The following IGSF5 variants were observed in gnomAD, a reference collection of about 807,000 sequenced individuals.
The protein encoded by IGSF5 is immunoglobulin superfamily member 5.
Under a neutral mutation model 39.4 loss-of-function variants are expected in IGSF5, and 41 were observed. The ratio of observed to expected loss-of-function variants is 1.04; its 90% confidence interval spans 0.81 to 1.35. IGSF5 has a LOEUF of 1.35. Ranked by LOEUF, IGSF5 falls within the 40% of genes most tolerant of loss-of-function variation. IGSF5 has a pLI of 0.00. For synonymous variants in IGSF5, 183 were observed against 175.3 expected, an observed-to-expected ratio of 1.04 and a Z score of -0.34; for missense variants, 487 against 494.6, an observed-to-expected ratio of 0.98 and a Z score of 0.15.
the IGSF5 span, among the ~76,000 whole-genome samples, chr21:39,717,467 GT>G: frequency 3.3e-5 from 5 of 152,178 alleles, no homozygotes; most frequent in East Asian, 9.6e-4. Context: ...GGTTCTTATA[GT>G]TTTGGGTTTT....
intron 5 of IGSF5, among the ~76,000 whole-genome samples, chr21:39,785,285 C>G (rs1403061841): frequency 1.3e-5 from 2 of 151,194 alleles, no homozygotes; most frequent in African/African-American, 4.8e-5. Flanking sequence ...ACACCAAAAA[C>G]AATGGCAGCA....
chr21:39,754,838 G>A (rs1602367714), intron 2 of IGSF5, among the ~76,000 whole-genome samples: 1 of 152,192 alleles, frequency 6.6e-6, no homozygotes, highest in South Asian at 2.1e-4. Context: ...CTTGAAATCA[G>A]CTTTATGACA....
intron 4 of IGSF5, among the ~76,000 whole-genome samples, chr21:39,774,371 A>G (rs916643530): frequency 5.9e-5 from 9 of 152,206 alleles, no homozygotes; most frequent in African/African-American, 1.7e-4. Context: ...CTAAAAGTGC[A>G]AAGCATTTGT....
chr21:39,749,414 T>C (rs2989332), intron 2 of IGSF5, among the ~76,000 whole-genome samples: 123,991 of 151,832 alleles, frequency 0.82, 50,799 homozygotes, highest in Admixed American at 0.86. Flanking sequence ...AATTTCGCCA[T>C]GTTGGCCAGG....
intron 4 of IGSF5, among the ~76,000 whole-genome samples, chr21:39,775,319 C>T (rs2080134265): frequency 6.6e-6 from 1 of 152,132 alleles, no homozygotes; most frequent in African/African-American, 2.4e-5. Context: ...GTCCTTGCTC[C>T]AGAGCACATA....
chr21:39,791,782 A>G (rs555944282), intron 6 of IGSF5: 9 of 464,518 alleles, frequency 1.9e-5, no homozygotes, highest in Admixed American at 3.6e-5. Context: ...AGTAGAGTCC[A>G]TGGACCAGGA....
chr21:39,718,648 C>T, the IGSF5 span, among the ~76,000 whole-genome samples: 2 of 152,138 alleles, frequency 1.3e-5, no homozygotes, highest in Non-Finnish European at 1.5e-5. Context: ...TGATGAATCA[C>T]ATTTATTGAT....
chr21:39,775,667 C>T (rs1004632616), intron 4 of IGSF5, among the ~76,000 whole-genome samples: 3 of 152,054 alleles, frequency 2.0e-5, no homozygotes, highest in African/African-American at 7.2e-5. Context: ...TGAAGGAGTG[C>T]AGGGAGAAAG....
chr21:39,721,660 C>T, the IGSF5 span, among the ~76,000 whole-genome samples: 1 of 151,386 alleles, frequency 6.6e-6, no homozygotes, highest in African/African-American at 2.4e-5. Context: ...TGACACCAAA[C>T]CTGGCCATCT....
At chr21:39,751,811 A>C (rs1205166297) in intron 2 of IGSF5, among the ~76,000 whole-genome samples, 2 of 152,104 alleles carry the variant, frequency 1.3e-5, no homozygotes. Context: ...TCCACCCTCT[A>C]ATGAGAAGCC....
chr21:39,782,941 A>AT (rs999599752), intron 5 of IGSF5, among the ~76,000 whole-genome samples: 40 of 149,420 alleles, frequency 2.7e-4, no homozygotes, highest in South Asian at 1.3e-3. Flanking sequence ...AATGTGCTCA[A>AT]TTTTTTTTTT....
intron 2 of IGSF5, among the ~76,000 whole-genome samples, chr21:39,761,163 G>T (rs2083948038): frequency 6.6e-6 from 1 of 152,162 alleles, no homozygotes; most frequent in African/African-American, 2.4e-5. Flanking sequence ...GGAAAGAACT[G>T]CCTATTCAAT....
At chr21:39,739,437 G>A in the IGSF5 span, among the ~76,000 whole-genome samples, 32 of 152,156 alleles carry the variant, frequency 2.1e-4, no homozygotes, top group African/African-American at 7.7e-4. Context: ...CTTTATCTCC[G>A]TTTTTGCCTA....
intron 3 of IGSF5, among the ~76,000 whole-genome samples, chr21:39,766,072 T>G (rs2080086155): frequency 6.6e-6 from 1 of 152,164 alleles, no homozygotes. Context: ...CTTCTCCCCC[T>G]CTCTTCCTTC....
At chr21:39,731,752 C>CT in the IGSF5 span, among the ~76,000 whole-genome samples, 1 of 152,184 alleles carries the variant, frequency 6.6e-6, no homozygotes, top group South Asian at 2.1e-4. Flanking sequence ...ACTCATCTGT[C>CT]TAACACCTTG....
At chr21:39,790,922 TATAA>T (rs1377387503) in intron 6 of IGSF5, among the ~76,000 whole-genome samples, 2 of 152,236 alleles carry the variant, frequency 1.3e-5, no homozygotes, top group Non-Finnish European at 1.5e-5. Flanking sequence ...TATTAGGTAT[TATAA>T]ATAATCTGGG....
chr21:39,778,982 C>T, intron 4 of IGSF5, 108 bp from the exon 5 acceptor site: 11 of 1,354,178 alleles, frequency 8.1e-6, no homozygotes, highest in Non-Finnish European at 1.0e-5. Flanking sequence ...CCATAGCAGG[C>T]TGAATAGTTA....
At chr21:39,764,971 G>T (rs564377856) in intron 2 of IGSF5, among the ~76,000 whole-genome samples, 1 of 152,294 alleles carries the variant, frequency 6.6e-6, no homozygotes, top group South Asian at 2.1e-4. Flanking sequence ...GGCAGAGTTG[G>T]TTTTTTATGG....
chr21:39,794,884 T>G (rs1000769107), intron 8 of IGSF5, among the ~76,000 whole-genome samples: 1 of 152,082 alleles, frequency 6.6e-6, no homozygotes, highest in Non-Finnish European at 1.5e-5. Flanking sequence ...GCAATAATAT[T>G]CCTCCCTGCA....
Sources: gnomAD v4.1 joint callset for allele counts (sites outside exome capture counted in the v4.1 genomes callset) on GRCh38, gnomAD v4.1.1 for gene constraint, MANE v1.5 for transcripts, NCBI Gene and HGNC (gene_info 2026-07-23, HGNC 2026-07-21) for gene names.